Variants in FBN1 observed in about 807,000 individuals in gnomAD.
FBN1 encodes fibrillin 1, also known as fibrillin-1.
Under a neutral mutation model 365.1 loss-of-function variants are expected in FBN1, and 29 were observed. The ratio of observed to expected loss-of-function variants is 0.08; its 90% confidence interval spans 0.06 to 0.11. The LOEUF is 0.11. Ranked by LOEUF, FBN1 falls within the 10% of genes least tolerant of loss-of-function variation. FBN1 has a pLI of 1.00. For synonymous variants in FBN1, 1,210 were observed against 1,270.5 expected, an observed-to-expected ratio of 0.95 and a Z score of 1.01; for missense variants, 2,476 against 3,703.2, an observed-to-expected ratio of 0.67 and a Z score of 8.60.
intron 2 of FBN1, among the ~76,000 whole-genome samples, chr15:48,614,296 T>C (rs1276055468): frequency 2.0e-5 from 3 of 152,166 alleles, no homozygotes; most frequent in South Asian, 2.1e-4. Flanking sequence ...AGCTTACTGG[T>C]ATAAACACTG....
intron 54 of FBN1, among the ~76,000 whole-genome samples, chr15:48,434,371 T>C (rs776624184): frequency 4.6e-5 from 7 of 152,176 alleles, no homozygotes; most frequent in Non-Finnish European, 1.0e-4. Context: ...CTCTGTGATA[T>C]ACAGTGTAGA....
chr15:48,525,260 T>C (rs1371424737), intron 9 of FBN1, among the ~76,000 whole-genome samples: 1 of 152,134 alleles, frequency 6.6e-6, no homozygotes, highest in East Asian at 1.9e-4. Context: ...CAAATTTTTG[T>C]ATTTTTAGTA....
At chr15:48,538,146 A>G (rs946088858) in intron 6 of FBN1, among the ~76,000 whole-genome samples, 14 of 152,204 alleles carry the variant, frequency 9.2e-5, no homozygotes, top group African/African-American at 3.1e-4. Flanking sequence ...TTAAGAAAAT[A>G]TATCAGTGCC....
chr15:48,641,216 G>A (rs1890191060), intron 2 of FBN1: 1 of 151,640 alleles, frequency 6.6e-6, no homozygotes, highest in South Asian at 2.1e-4. Flanking sequence ...TTTACTCTAA[G>A]AAAACACAGC....
intron 6 of FBN1, among the ~76,000 whole-genome samples, chr15:48,548,859 T>C (rs189059409): frequency 5.9e-5 from 9 of 152,352 alleles, no homozygotes; most frequent in African/African-American, 2.2e-4. Context: ...TTTTATTCCC[T>C]TGGATATTTA....
chr15:48,596,862 G>A (rs535909395), intron 5 of FBN1, among the ~76,000 whole-genome samples: 1 of 152,292 alleles, frequency 6.6e-6, no homozygotes, highest in East Asian at 1.9e-4. Context: ...GTACCATAAT[G>A]AAAATCCAAT....
rs12324782 is a variant in FBN1, at chr15:48,597,032, C to T, written c.443-654G>A. Among the ~76,000 whole-genome samples the T allele has an allele frequency of 6.2e-3, 939 of 152,296 alleles. 9 individuals are homozygous for T. Among genetic ancestry groups the T allele is most frequent in the African/African-American group, 0.022 (902 of 41,562 alleles). On this transcript the variant is annotated intron_variant, in intron 5 of 65. Coordinates refer to ENST00000316623, the MANE Select transcript of FBN1 (RefSeq NM_000138.5). ...TACAAGTTCCTGTAACTCGTGCATG[C>T]ATGGGCTCTTTCTAGGCATCTTCGT... is the stretch of plus-strand genomic sequence containing the variant.
chr15:48,499,287 G>A (rs1296981514), intron 17 of FBN1, among the ~76,000 whole-genome samples: 4 of 152,156 alleles, frequency 2.6e-5, no homozygotes, highest in Admixed American at 2.0e-4. Flanking sequence ...AAGCCCTTTC[G>A]GAAAAGGTGT....
chr15:48,495,187 T>C lies in FBN1; in HGVS notation c.2613A>G (p.Leu871=), dbSNP rs770290542. 1 of 1,614,182 alleles carries C rather than the reference T, an allele frequency of 6.2e-7. No homozygotes were observed. Among genetic ancestry groups the C allele is most frequent in the Admixed American group, 1.7e-5 (1 of 60,030 alleles). ...RCEININGAT[L]KSQCCSSLGA... ...CGAGGGAGGAGCAGCACTGGGACTTTAAGGTGGCTCCATTGATGTTGATCT... is the reference window on the plus strand; with the variant it reads ...CGAGGGAGGAGCAGCACTGGGACTTCAAGGTGGCTCCATTGATGTTGATCT... The change falls in exon 22 of 66, where the codon TTA becomes TTG. Residue 871 remains leucine, a synonymous_variant. Transcript: ENST00000316623.
chr15:48,625,106 C>T (rs560449781), intron 2 of FBN1, among the ~76,000 whole-genome samples: 6 of 152,072 alleles, frequency 3.9e-5, no homozygotes, highest in South Asian at 4.2e-4. Flanking sequence ...ACTTGAGTTC[C>T]GAATGCTGTC....
At chr15:48,533,224 T>A (rs2043987399) in intron 8 of FBN1, among the ~76,000 whole-genome samples, 1 of 152,114 alleles carries the variant, frequency 6.6e-6, no homozygotes, top group Non-Finnish European at 1.5e-5. Context: ...AACCTCAAGG[T>A]GGGGTGAGTT....
At chr15:48,429,715 AT>A (rs1566894035) in intron 56 of FBN1, among the ~76,000 whole-genome samples, 1 of 152,238 alleles carries the variant, frequency 6.6e-6, no homozygotes, top group East Asian at 1.9e-4. Flanking sequence ...GTGTGTGACA[AT>A]TAATCTACAT....
In FBN1 at chr15:48,505,148, C is replaced by G. The variant is rs1555399840; in HGVS notation, c.1838-1G>C. The G allele has an allele frequency of 6.2e-7, 1 of 1,614,094 alleles. No individual in the cohort carries two copies. ...CCAGGGGTTTCACACTCGTTAATGT[C>G]TGTGGCAGAGAAAGGCACTTATTAA... On this transcript the variant is annotated splice_acceptor_variant, in intron 15 of 65. Coordinates refer to ENST00000316623, the MANE Select transcript of FBN1 (RefSeq NM_000138.5). LOFTEE classifies it high-confidence loss of function.
At chr15:48,457,183 C>T (rs1393143245) in intron 43 of FBN1, among the ~76,000 whole-genome samples, 1 of 152,104 alleles carries the variant, frequency 6.6e-6, no homozygotes, top group African/African-American at 2.4e-5. Flanking sequence ...TCATATGGAA[C>T]TCTGATCTTT....
rs543045781 is a variant in FBN1 at position 48,502,154 on chromosome 15, G to A, written c.2113+1633C>T. ...AGTGATTCTCCTGCCTCAGCCTCCCGAGTAGCTGGGGTTATAGGCGCGCAC... is the reference window on the plus strand; with the variant it reads ...AGTGATTCTCCTGCCTCAGCCTCCCAAGTAGCTGGGGTTATAGGCGCGCAC... On this transcript the variant is annotated intron_variant, in intron 17 of 65. Coordinates refer to ENST00000316623, the MANE Select transcript of FBN1 (RefSeq NM_000138.5). 3.1e-4 allele frequency among the ~76,000 whole-genome samples: 47 copies of A among 152,158 alleles called. 1 individual carries two copies. The South Asian group carries it at 9.4e-3, about 30-fold the overall frequency.
rs1159345180 is a variant in FBN1, at chr15:48,508,606, C to T, written c.1813G>A (p.Ala605Thr). The T allele has an allele frequency of 1.2e-6, 2 of 1,613,796 alleles. No individual in the cohort carries two copies. The highest frequency in any genetic ancestry group is 1.7e-6 in the Non-Finnish European group (2 of 1,179,720). ...KCICKPGFQL[A>T]SDGRYCKDIN... ...CCTTTGCAATAACGTCCATCTGATG[C>T]CAGCTGGAATCCAGGTTTGCAAATA... Residue 605 changes from alanine to threonine, a missense_variant, in exon 15 of 66, where the codon GCA becomes ACA. Transcript: ENST00000316623.
intron 6 of FBN1, among the ~76,000 whole-genome samples, chr15:48,594,075 C>T (rs549993129): frequency 3.3e-5 from 5 of 152,250 alleles, no homozygotes; most frequent in Admixed American, 6.5e-5. Context: ...CTTGAAATCA[C>T]GAACATACAT....
intron 2 of FBN1, among the ~76,000 whole-genome samples, chr15:48,636,767 C>T (rs1387699813): frequency 6.6e-6 from 1 of 152,216 alleles, no homozygotes; most frequent in African/African-American, 2.4e-5. Context: ...GTCATACTGC[C>T]TGTTCCAGCC....
At position 48,459,556 on chromosome 15, in the gene FBN1, C is replaced by A. The variant is rs114485955; in HGVS notation, c.5296+690G>T. ...ACACAACTGTGCAGACTTAAGAGGGCATCTAAGGATGCATATAAATCACAC... is the reference window on the plus strand; with the variant it reads ...ACACAACTGTGCAGACTTAAGAGGGAATCTAAGGATGCATATAAATCACAC... On this transcript the variant is annotated intron_variant, in intron 43 of 65. Transcript: ENST00000316623. Among the ~76,000 whole-genome samples the A allele has an allele frequency of 8.1e-3, 1,233 of 152,270 alleles. 21 individuals carry two copies. The highest frequency in any genetic ancestry group is 0.028 in the African/African-American group (1,180 of 41,558).
Sources: gnomAD v4.1 joint callset for allele counts (sites outside exome capture counted in the v4.1 genomes callset) on GRCh38, gnomAD v4.1.1 for gene constraint, MANE v1.5 for transcripts, NCBI Gene and HGNC (gene_info 2026-07-23, HGNC 2026-07-21) for gene names.